Variants in TDRD5 observed in about 807,000 individuals in gnomAD.
TDRD5 encodes the protein tudor domain containing 5.
Under a neutral mutation model 120.6 loss-of-function variants are expected in TDRD5, and 41 were observed. The ratio of observed to expected loss-of-function variants is 0.34; its 90% CI spans 0.26 to 0.44. TDRD5 has a LOEUF of 0.44. Ranked by LOEUF, TDRD5 falls within the 20% of genes least tolerant of loss-of-function variation. TDRD5 has a pLI of 1.00. For missense variants in TDRD5, 1,006 were observed against 1,221.2 expected (o/e 0.82, Z 2.63); for synonymous variants, 430 against 433.7 (o/e 0.99, Z 0.11).
intron 7 of TDRD5, among the ~76,000 whole-genome samples, chr1:179,631,851 A>ATTTTTTTTTTTT (rs745777571): frequency 1.3e-5 from 1 of 74,370 alleles, no homozygotes; most frequent in Non-Finnish European, 2.5e-5. Context: ...AGGGCACTTG[A>ATTTTTTTTTTTT]TTTTTTTTTT....
intron 17 of TDRD5, among the ~76,000 whole-genome samples, chr1:179,681,829 C>G (rs963610334): frequency 6.7e-6 from 1 of 148,826 alleles, no homozygotes; most frequent in Non-Finnish European, 1.5e-5. Context: ...CTCACTGATA[C>G]ATTTCTTACT....
Position 179,654,318 on chromosome 1 carries a change from A to C in TDRD5, c.2278A>C (p.Lys760Gln). 6.5e-7 allele frequency: 1 copy of C among 1,549,618 alleles called. No homozygotes were observed. Among genetic ancestry groups the C allele is most frequent in the South Asian group, 1.2e-5 (1 of 83,864 alleles). Residue 760 changes from lysine to glutamine, a missense_variant, in exon 14 of 18, where the codon AAG (lysine) becomes CAG (glutamine). Physicochemically the swap from Lys to Gln is moderately conservative, Grantham distance 53. Around this residue, in one of 3 missense-constraint regions of TDRD5, gnomAD observed 403 missense variants for 448.1 expected, o/e 0.90. Transcript: ENST00000444136. ...TCNKSFEEDP[K>Q]WSNPEPNDLK... Reference sequence around the variant, plus strand: ...TAATAAGAGCTTTGAAGAAGATCCAAAGTGGTCCAACCCAGAACCAAACGA... The same window carrying C: ...TAATAAGAGCTTTGAAGAAGATCCACAGTGGTCCAACCCAGAACCAAACGA...
chr1:179,662,317 C>T (rs1679355882), intron 15 of TDRD5, 31 bp downstream of exon 15: 4 of 1,592,416 alleles, frequency 2.5e-6, no homozygotes, highest in Non-Finnish European at 2.6e-6. Context: ...GAAAGCAAAT[C>T]AGGCCGGGCA....
chr1:179,639,477 A>G (rs1320549503), intron 9 of TDRD5, among the ~76,000 whole-genome samples: 2 of 152,216 alleles, frequency 1.3e-5, no homozygotes, highest in Non-Finnish European at 2.9e-5. Context: ...CTGCAGCAAG[A>G]TAATGTGTAT....
At chr1:179,686,393 C>T (rs537306664) in intron 17 of TDRD5, among the ~76,000 whole-genome samples, 1 of 152,260 alleles carries the variant, frequency 6.6e-6, no homozygotes, top group Admixed American at 6.5e-5. Flanking sequence ...GGGATGAAGC[C>T]CACTTGATCA....
intron 14 of TDRD5, among the ~76,000 whole-genome samples, chr1:179,657,316 AG>A (rs1679057022): frequency 6.6e-6 from 1 of 152,154 alleles, no homozygotes; most frequent in Non-Finnish European, 1.5e-5. Flanking sequence ...TTCAGTATAC[AG>A]GATCTGTACA....
chr1:179,660,121 G>T (rs531845160), intron 14 of TDRD5, among the ~76,000 whole-genome samples: 16 of 146,992 alleles, frequency 1.1e-4, no homozygotes, highest in African/African-American at 4.0e-4. Context: ...TTTTCTGTTT[G>T]TTCCCCTGAT....
chr1:179,663,411 A>G lies in TDRD5; in HGVS notation c.2569A>G (p.Asn857Asp), dbSNP rs1372640409. The change falls in exon 16 of 18, where the codon AAT becomes GAT. Residue 857 changes from asparagine to aspartate, a missense_variant. By Grantham distance (23) the Asn-to-Asp change is conservative. Around this residue, in one of 3 missense-constraint regions of TDRD5, gnomAD observed 403 missense variants for 448.1 expected, o/e 0.90. Coordinates refer to ENST00000444136, the MANE Select transcript of TDRD5 (RefSeq NM_001199085.3). ...DDSWQPSGLVNGTKVEVHKPE... is the reference protein window; with the variant it reads ...DDSWQPSGLVDGTKVEVHKPE... ...TTCTTGGCAGCCTTCAGGCCTTGTAAATGGAACGAAAGTAGAAGTTCATAA... is the reference window on the plus strand; with the variant it reads ...TTCTTGGCAGCCTTCAGGCCTTGTAGATGGAACGAAAGTAGAAGTTCATAA... 4 of 1,613,748 alleles carry G rather than the reference A, an allele frequency of 2.5e-6. No homozygotes were observed. The highest frequency in any genetic ancestry group is 3.4e-6 in the Non-Finnish European group (4 of 1,179,902).
chr1:179,593,455 C>A lies in TDRD5; in HGVS notation c.233-5C>A. The A allele has an allele frequency of 6.2e-7, 1 of 1,609,552 alleles. No individual in the cohort carries two copies. Among genetic ancestry groups the A allele is most frequent in the South Asian group, 1.1e-5 (1 of 90,790 alleles). ...TAAATATGATTTCTATTTTTCACGTCTCAGCCATTCCAGATGAATCTACCA... is the reference window on the plus strand; with the variant it reads ...TAAATATGATTTCTATTTTTCACGTATCAGCCATTCCAGATGAATCTACCA... On this transcript the variant is annotated splice_polypyrimidine_tract_variant and splice_region_variant and intron_variant, in intron 2 of 17. Transcript: ENST00000444136.
chr1:179,597,415 T>C (rs1045620283), intron 4 of TDRD5, among the ~76,000 whole-genome samples: 2 of 151,380 alleles, frequency 1.3e-5, no homozygotes, highest in Non-Finnish European at 2.9e-5. Context: ...CACTGCAACT[T>C]CCGTCTCCCG....
intron 4 of TDRD5, among the ~76,000 whole-genome samples, chr1:179,610,412 T>G (rs1026477707): frequency 3.3e-5 from 5 of 152,218 alleles, no homozygotes; most frequent in African/African-American, 1.2e-4. Context: ...TTCAGAAAGA[T>G]TATCATGAAT....
At chr1:179,666,852 G>T (rs1239593310) in intron 16 of TDRD5, among the ~76,000 whole-genome samples, 1 of 152,158 alleles carries the variant, frequency 6.6e-6, no homozygotes, top group Non-Finnish European at 1.5e-5. Context: ...AGCCATTCTA[G>T]TGGATGTGAA....
At chr1:179,654,068 T>C in intron 13 of TDRD5, 133 bp from the exon 14 acceptor site, 1 of 679,682 alleles carries the variant, frequency 1.5e-6, no homozygotes, top group Non-Finnish European at 2.3e-6. Context: ...CCTAGGATCA[T>C]GGATAAAGCT....
intron 9 of TDRD5, among the ~76,000 whole-genome samples, chr1:179,637,808 C>T (rs1022337968): frequency 2.6e-5 from 4 of 152,060 alleles, no homozygotes; most frequent in Admixed American, 2.6e-4. Context: ...TGGTCCTTTG[C>T]CTTTGCGAAT....
intron 14 of TDRD5, among the ~76,000 whole-genome samples, chr1:179,661,379 G>GT (rs144602028): frequency 0.34 from 50,431 of 150,204 alleles, 8,598 homozygotes; most frequent in Admixed American, 0.41. Context: ...TTGTTTGGTT[G>GT]TTTTTTTTGT....
At chr1:179,607,348 A>G (rs1201888187) in intron 4 of TDRD5, among the ~76,000 whole-genome samples, 1 of 152,068 alleles carries the variant, frequency 6.6e-6, no homozygotes, top group Non-Finnish European at 1.5e-5. Context: ...TATTTTCTAC[A>G]TAGATGATGT....
rs890004762 is a variant in TDRD5 at position 179,632,214 on chromosome 1, C to T, written c.1126+1294C>T. Among the ~76,000 whole-genome samples the T allele has an allele frequency of 1.7e-4, 26 of 152,102 alleles. No individual in the cohort carries two copies. In the Middle Eastern group the frequency reaches 0.01, roughly 60 times the overall value. On this transcript the variant is annotated intron_variant, in intron 7 of 17. Coordinates refer to ENST00000444136, the MANE Select transcript of TDRD5 (RefSeq NM_001199085.3). ...AGACACCACTCCCGGCCGTGACCTT[C>T]TTTTTCTTTTGAAGTTTTTATTAAG...
intron 4 of TDRD5, among the ~76,000 whole-genome samples, chr1:179,615,972 T>C (rs931359293): frequency 2.0e-5 from 3 of 152,276 alleles, no homozygotes; most frequent in Non-Finnish European, 2.9e-5. Context: ...ATAGGCAATA[T>C]ATGAATGAGT....
intron 7 of TDRD5, 55 bp from the exon 8 acceptor site, chr1:179,634,402 G>A (rs1677642460): frequency 6.5e-7 from 1 of 1,543,942 alleles, no homozygotes; most frequent in South Asian, 1.3e-5. Context: ...TGCATAGGCT[G>A]CTCTATTGGC....
Sources: gnomAD v4.1 joint callset for allele counts (sites outside exome capture counted in the v4.1 genomes callset) on GRCh38, gnomAD v4.1.1 for gene constraint, gnomAD v4.1.1 regional missense constraint, MANE v1.5 for transcripts, NCBI Gene and HGNC (gene_info 2026-07-23, HGNC 2026-07-21) for gene names.